RNF150: variants seen among roughly 807,000 people sequenced by gnomAD.
The protein encoded by RNF150 is ring finger protein 150.
A neutral mutation model predicts 39.3 loss-of-function variants in RNF150; 24 were observed. The ratio of observed to expected loss-of-function variants is 0.61; its 90% CI spans 0.44 to 0.86. The LOEUF is 0.86. RNF150 is among the 40% of genes least tolerant of loss of function. The pLI, the probability that RNF150 is intolerant of heterozygous loss-of-function variation, is 0.00. For missense variants in RNF150, 502 were observed against 587.8 expected (o/e 0.85, Z 1.51); for synonymous variants, 255 against 227.3 (o/e 1.12, Z -1.10).
intron 2 of RNF150, among the ~76,000 whole-genome samples, chr4:140,956,949 A>T (rs565580519): frequency 0.013 from 1,913 of 150,348 alleles, 48 homozygotes; most frequent in African/African-American, 0.044. Flanking sequence ...AACCATAAAA[A>T]CCCTAGAAGA....
chr4:140,998,283 G>T (rs1734457699), intron 1 of RNF150, among the ~76,000 whole-genome samples: 1 of 152,128 alleles, frequency 6.6e-6, no homozygotes, highest in African/African-American at 2.4e-5. Flanking sequence ...CTCTAAGGAG[G>T]CAATCAAGAT....
At position 141,129,441 on chromosome 4, in the gene RNF150, T is replaced by C. The variant is rs572493817; in HGVS notation, c.484+2884A>G. ...AAATACATGAAGACAGAATGTAGAT[T>C]AGCCTAGGGCTGGGAGTTGGGGAAT... is the stretch of plus-strand genomic sequence containing the variant. On this transcript the variant is annotated intron_variant, in intron 1 of 6. Transcript: ENST00000515673. Among the ~76,000 whole-genome samples, 37 of 152,322 alleles carry C rather than the reference T, an allele frequency of 2.4e-4. 1 individual carries two copies. In the South Asian group the frequency reaches 7.5e-3, roughly 31 times the overall value.
chr4:141,053,752 G>T (rs1736867352), intron 1 of RNF150: 2 of 1,320,096 alleles, frequency 1.5e-6, no homozygotes, highest in South Asian at 4.0e-5. Context: ...CGATAAAAAT[G>T]AAAAAGAAAA....
chr4:141,197,802 C>T (rs543743399), intron 1 of RNF150, among the ~76,000 whole-genome samples: 167 of 151,406 alleles, frequency 1.1e-3, no homozygotes, highest in African/African-American at 1.9e-3. Flanking sequence ...GGTGTGAACC[C>T]GGGAGGTGGA....
intron 5 of RNF150, among the ~76,000 whole-genome samples, chr4:140,923,569 C>T (rs1731252385): frequency 6.6e-6 from 1 of 152,134 alleles, no homozygotes; most frequent in Non-Finnish European, 1.5e-5. Context: ...GTGGCGATTC[C>T]TCAGGGATCT....
At chr4:141,155,712 AG>A (rs1394797060) in intron 1 of RNF150, among the ~76,000 whole-genome samples, 1 of 152,196 alleles carries the variant, frequency 6.6e-6, no homozygotes, top group African/African-American at 2.4e-5. Flanking sequence ...GGTGAAATGG[AG>A]GACACAAAGA....
intron 1 of RNF150, among the ~76,000 whole-genome samples, chr4:141,111,349 C>T (rs894351743): frequency 1.4e-4 from 22 of 152,116 alleles, no homozygotes; most frequent in African/African-American, 4.8e-4. Context: ...TTGGTTAGCT[C>T]TAAAATCTTT....
chr4:141,179,134 C>T (rs10006718), intron 1 of RNF150, among the ~76,000 whole-genome samples: 2 of 152,242 alleles, frequency 1.3e-5, no homozygotes, highest in South Asian at 2.1e-4. Flanking sequence ...TCCTCTCTGA[C>T]GTTCAACCAC....
At chr4:141,174,794 T>C (rs1448193420) in intron 1 of RNF150, among the ~76,000 whole-genome samples, 1 of 151,802 alleles carries the variant, frequency 6.6e-6, no homozygotes, top group Non-Finnish European at 1.5e-5. Flanking sequence ...AGGGATAAAG[T>C]TGGAAGAGAA....
intron 6 of RNF150, among the ~76,000 whole-genome samples, chr4:140,883,558 T>C (rs1412596420): frequency 6.6e-6 from 1 of 152,200 alleles, no homozygotes; most frequent in Non-Finnish European, 1.5e-5. Context: ...GTATTTTTGG[T>C]TGACATTTTT....
intron 2 of RNF150, among the ~76,000 whole-genome samples, chr4:140,965,724 T>G (rs1209509805): frequency 6.6e-6 from 1 of 151,978 alleles, no homozygotes; most frequent in African/African-American, 2.4e-5. Flanking sequence ...TGTCCAGAGA[T>G]AGAGAATAAA....
rs70946718 is a variant in RNF150 at position 140,969,756 on chromosome 4, C to CTTTT, written c.485-1887_485-1884dup. Among the ~76,000 whole-genome samples the CTTTT allele has an allele frequency of 5.8e-3, 439 of 75,938 alleles. 7 individuals are homozygous for CTTTT. The highest frequency in any genetic ancestry group is 8.1e-3 in the Non-Finnish European group (345 of 42,730). The allele number at this position is 75,938 out of a possible 152,430, so 49.8% of individuals were successfully genotyped here. Reference sequence around the variant, plus strand: ...GATGTTCAGAAATGCACAAGTTTTACTTTTTTTTTTTTTTTTTTTTTTTGA... The same window carrying CTTTT: ...GATGTTCAGAAATGCACAAGTTTTACTTTTTTTTTTTTTTTTTTTTTTTTTTTGA... On this transcript the variant is annotated intron_variant, in intron 1 of 6. Transcript: ENST00000515673.
At chr4:140,926,199 C>A (rs1338547047) in intron 4 of RNF150, 126 bp from the exon 5 acceptor site, 2 of 664,796 alleles carry the variant, frequency 3.0e-6, no homozygotes, top group Non-Finnish European at 2.7e-6. Flanking sequence ...AAACCTCCAT[C>A]CCTAACTTGT....
In RNF150 at chr4:140,999,962, A is replaced by C. The variant is rs1172587152; in HGVS notation, c.485-32089T>G. Among the ~76,000 whole-genome samples, 39 of 34,212 alleles carry C rather than the reference A, an allele frequency of 1.1e-3. 1 individual carries two copies. The East Asian group carries it at 0.025, about 22-fold the overall frequency. The allele number at this position is 34,212 out of a possible 152,430, so 22.4% of individuals were successfully genotyped here. The stretch of plus-strand genomic sequence containing the variant: ...CAAAAAAAGAAGAAGAAGAAGAAGA[A>C]GAAGAAGAAGAAGAAAAGAAGAAAA... On this transcript the variant is annotated intron_variant, in intron 1 of 6. Transcript: ENST00000515673.
intron 1 of RNF150, among the ~76,000 whole-genome samples, chr4:141,062,710 T>C (rs1737284792): frequency 6.6e-6 from 1 of 152,198 alleles, no homozygotes. Flanking sequence ...TGGTAATACA[T>C]GTGCAGGTTT....
intron 5 of RNF150, among the ~76,000 whole-genome samples, chr4:140,916,205 G>A (rs1171790167): frequency 2.0e-5 from 3 of 152,192 alleles, no homozygotes; most frequent in Non-Finnish European, 2.9e-5. Context: ...GAATGACTTT[G>A]ACGAGTTGAG....
intron 1 of RNF150, among the ~76,000 whole-genome samples, chr4:141,041,305 T>C (rs1470537761): frequency 6.6e-6 from 1 of 152,016 alleles, no homozygotes; most frequent in Non-Finnish European, 1.5e-5. Context: ...GCAAAGGCAA[T>C]AATGAAATGT....
At chr4:140,981,764 G>T (rs1484031792) in intron 1 of RNF150, among the ~76,000 whole-genome samples, 1 of 152,128 alleles carries the variant, frequency 6.6e-6, no homozygotes, top group Non-Finnish European at 1.5e-5. Flanking sequence ...GATTTTTTAA[G>T]GTGAGACAGA....
At chr4:141,005,751 C>G (rs1049966553) in intron 1 of RNF150, among the ~76,000 whole-genome samples, 3 of 152,146 alleles carry the variant, frequency 2.0e-5, no homozygotes, top group Non-Finnish European at 4.4e-5. Context: ...CAGAGGAACA[C>G]GTTTTACTTT....
Sources: allele counts gnomAD v4.1 joint callset (sites outside exome capture counted in the v4.1 genomes callset), GRCh38; gene constraint gnomAD v4.1.1; transcripts MANE v1.5; gene names NCBI Gene and HGNC (gene_info 2026-07-23, HGNC 2026-07-21).